CYP4F2: variants seen among roughly 807,000 people sequenced by gnomAD.
The protein encoded by CYP4F2 is cytochrome P450 family 4 subfamily F member 2.
A neutral mutation model predicts 58.9 loss-of-function variants in CYP4F2; 58 were observed. The observed-to-expected ratio is 0.98, with a 90% CI of 0.80 to 1.23. The LOEUF (loss-of-function observed/expected upper bound fraction) is 1.23. Ranked by LOEUF, CYP4F2 falls within the 50% of genes most tolerant of loss-of-function variation. The pLI, the probability that CYP4F2 is intolerant of heterozygous loss-of-function variation, is 0.00. For synonymous variants in CYP4F2, 287 were observed against 261.1 expected (o/e 1.10, Z -0.95); for missense variants, 616 against 685.6 (o/e 0.90, Z 1.13).
At chr19:15,890,514 T>G in intron 5 of CYP4F2, 81 bp from the exon 6 acceptor site, 1 of 1,574,736 alleles carries the variant, frequency 6.4e-7, no homozygotes, top group South Asian at 1.2e-5. Context: ...CAAGATGGGC[T>G]CCCCAGAATA....
rs182150069 is a variant in CYP4F2 at position 15,891,948 on chromosome 19, T to C, written c.525+361A>G. ...CCTGCCAACTGTCCCAAAGACTTAT[T>C]AGCAAACATAAACACTTATTGGTTT... On this transcript the variant is annotated intron_variant, in intron 5 of 12. Transcript: ENST00000221700. 2.8e-3 allele frequency among the ~76,000 whole-genome samples: 423 copies of C among 152,284 alleles called. 2 individuals carry two copies. The highest frequency in any genetic ancestry group is 3.9e-3 in the Non-Finnish European group (267 of 68,016).
intron 6 of CYP4F2, 94 bp from the exon 7 acceptor site, chr19:15,889,787 G>A: frequency 6.5e-7 from 1 of 1,534,152 alleles, no homozygotes; most frequent in South Asian, 1.2e-5. Flanking sequence ...CCTCCTATCA[G>A]TAAACAGAGT....
chr19:15,897,105 G>A (rs2089452320), intron 2 of CYP4F2, among the ~76,000 whole-genome samples: 1 of 152,144 alleles, frequency 6.6e-6, no homozygotes, highest in African/African-American at 2.4e-5. Context: ...GGAGAATGTG[G>A]GAATGCCAGG....
chr19:15,892,619 A>C, intron 3 of CYP4F2, 37 bp from the exon 4 acceptor site: 1 of 1,602,486 alleles, frequency 6.2e-7, no homozygotes, highest in Non-Finnish European at 8.5e-7. Flanking sequence ...CCATGGAGGC[A>C]GGTGAAAGAG....
intron 3 of CYP4F2, chr19:15,893,882 CTG>C: frequency 3.8e-6 from 1 of 266,546 alleles, no homozygotes. Context: ...AGCTGTGAAT[CTG>C]GAGAAAAACA....
chr19:15,887,018 G>A (rs183545857), intron 7 of CYP4F2, among the ~76,000 whole-genome samples: 2 of 152,330 alleles, frequency 1.3e-5, no homozygotes, highest in Admixed American at 6.5e-5. Flanking sequence ...GTATTGCTGT[G>A]AGCAAGACAT....
intron 7 of CYP4F2, among the ~76,000 whole-genome samples, chr19:15,888,029 GATATA>G (rs1177011119): frequency 2.7e-4 from 40 of 146,104 alleles, no homozygotes; most frequent in Middle Eastern, 3.7e-3. Context: ...CACAGATATA[GATATA>G]GACACAGACA....
At position 15,892,526 on chromosome 19, in the gene CYP4F2, CA is replaced by C. The variant is rs755122635; in HGVS notation, c.397+2del. The stretch of plus-strand genomic sequence containing the variant: ...CCAACCCTGTTCACCTGCAGATACT[CA>C]CCCAGCCAGGGCTCCAGGAAGCTGT... On this transcript the variant is annotated splice_donor_variant, in intron 4 of 12. Coordinates refer to ENST00000221700, the MANE Select transcript of CYP4F2 (RefSeq NM_001082.5). LOFTEE classifies it high-confidence loss of function. 260 of 1,614,114 alleles carry C rather than the reference CA, an allele frequency of 1.6e-4. No individual in the cohort carries two copies. The Admixed American group carries it at 2.3e-3, about 14-fold the overall frequency.
Position 15,880,710 on chromosome 19 carries a change from C to A in CYP4F2, c.1116-813G>T, listed in dbSNP as rs3093227. On this transcript the variant is annotated intron_variant, in intron 9 of 12. Coordinates refer to ENST00000221700, the MANE Select transcript of CYP4F2 (RefSeq NM_001082.5). Reference sequence around the variant, plus strand: ...GAAAAAGAGCAAAAAAATAAAGGAACCACTTCCATAAAAAGAAACAAACAT... The same window carrying A: ...GAAAAAGAGCAAAAAAATAAAGGAAACACTTCCATAAAAAGAAACAAACAT... Among the ~76,000 whole-genome samples the A allele has an allele frequency of 5.7e-3, 860 of 152,006 alleles. 3 individuals are homozygous for A. The highest frequency in any genetic ancestry group is 0.017 in the Middle Eastern group (5 of 292).
At chr19:15,886,184 C>G in intron 8 of CYP4F2, 58 bp downstream of exon 8, 10 of 1,612,466 alleles carry the variant, frequency 6.2e-6, no homozygotes, top group Non-Finnish European at 8.5e-6. Flanking sequence ...TCTACCCACC[C>G]TGTTCCTGGA....
chr19:15,880,182 GATTT>G (rs2089335164), intron 9 of CYP4F2, among the ~76,000 whole-genome samples: 1 of 152,110 alleles, frequency 6.6e-6, no homozygotes, highest in African/African-American at 2.4e-5. Context: ...GAAACTGATG[GATTT>G]TACAGTTGTA....
Position 15,878,524 on chromosome 19 carries a change from T to C in CYP4F2, c.*247A>G. On this transcript the variant is annotated 3_prime_UTR_variant, in exon 13 of 13. Coordinates refer to ENST00000221700, the MANE Select transcript of CYP4F2 (RefSeq NM_001082.5). ...ACTCCATTGTATGGATGGACCACAT[T>C]TTGTTTATCCTTTCATCTGGTAATA... 1.6e-6 allele frequency: 1 copy of C among 632,106 alleles called. No individual in the cohort carries two copies. Among genetic ancestry groups the C allele is most frequent in the Non-Finnish European group, 2.6e-6 (1 of 382,140 alleles). 39.2% of individuals were successfully genotyped at this position (632,106 alleles called of 1,614,324 possible).
chr19:15,884,886 GTA>G (rs2089367352), intron 9 of CYP4F2, among the ~76,000 whole-genome samples: 1 of 151,844 alleles, frequency 6.6e-6, no homozygotes, highest in African/African-American at 2.4e-5. Context: ...GATCTTCCTG[GTA>G]CCCAGATGTG....
chr19:15,897,992 A>ACCC (rs3093096), intron 1 of CYP4F2, 34 bp downstream of exon 1: 6 of 218,736 alleles, frequency 2.7e-5, no homozygotes, highest in African/African-American at 1.4e-4. Flanking sequence ...CCAGGCCAGG[A>ACCC]CCCCCCCCAG....
chr19:15,895,039 T>C (rs925141477), intron 3 of CYP4F2, among the ~76,000 whole-genome samples: 14 of 152,188 alleles, frequency 9.2e-5, no homozygotes, highest in African/African-American at 3.4e-4. Context: ...ATACTAACGA[T>C]GTCCAATTGC....
intron 2 of CYP4F2, 112 bp downstream of exon 2, chr19:15,897,294 CCTCTGCTT>C (rs2089453313): frequency 9.6e-7 from 1 of 1,045,576 alleles, no homozygotes; most frequent in African/African-American, 1.6e-5. Flanking sequence ...TAAGATGCCT[CCTCTGCTT>C]CTCTGCCACC....
At chr19:15,893,926 T>C (rs924841705) in intron 3 of CYP4F2, 4 of 250,634 alleles carry the variant, frequency 1.6e-5, no homozygotes, top group Non-Finnish European at 1.7e-5. Context: ...TCCTAGGCTG[T>C]GAGAGAGAAG....
At chr19:15,893,514 G>A (rs2089429088) in intron 3 of CYP4F2, among the ~76,000 whole-genome samples, 2 of 152,208 alleles carry the variant, frequency 1.3e-5, no homozygotes, top group African/African-American at 4.8e-5. Flanking sequence ...CAGGACCCAG[G>A]TGTAAATATA....
chr19:15,892,658 G>T, intron 3 of CYP4F2, 76 bp from the exon 4 acceptor site: 1 of 1,572,004 alleles, frequency 6.4e-7, no homozygotes, highest in Non-Finnish European at 8.6e-7. Flanking sequence ...GAGGCTCCCA[G>T]CAAGAGGTTT....
Sources: allele counts gnomAD v4.1 joint callset (sites outside exome capture counted in the v4.1 genomes callset), GRCh38; gene constraint gnomAD v4.1.1; transcripts MANE v1.5; gene names NCBI Gene and HGNC (gene_info 2026-07-23, HGNC 2026-07-21).